TRPM3: variants seen among roughly 807,000 people sequenced by gnomAD.
The protein encoded by TRPM3 is transient receptor potential cation channel subfamily M member 3, also known as long transient receptor potential channel 3.
Under a neutral mutation model 181.2 loss-of-function variants are expected in TRPM3, and 77 were observed. The observed-to-expected ratio is 0.42, with a 90% CI of 0.35 to 0.51. TRPM3 has a LOEUF of 0.51. Among genes scored for constraint, TRPM3 ranks in the 20% least tolerant of loss-of-function variants. The probability of loss-of-function intolerance (pLI) is 0.01; values close to 1 mark genes in which losing one functional copy is unlikely to be tolerated. For missense variants in TRPM3, 1,759 were observed against 2,196.7 expected (o/e 0.80, Z 3.98); for synonymous variants, 745 against 796.4 (o/e 0.94, Z 1.09).
intron 1 of TRPM3, among the ~76,000 whole-genome samples, chr9:71,419,476 C>A (rs1364001048): frequency 6.6e-6 from 1 of 151,870 alleles, no homozygotes; most frequent in Non-Finnish European, 1.5e-5. Context: ...TAATTTGCTC[C>A]TAAAGAAATT....
intron 1 of TRPM3, among the ~76,000 whole-genome samples, chr9:71,420,444 T>G (rs76994233): frequency 0.026 from 3,930 of 151,438 alleles, 97 homozygotes; most frequent in African/African-American, 0.064. Context: ...CACTTTGGCA[T>G]AAGGATTATT....
intron 1 of TRPM3, among the ~76,000 whole-genome samples, chr9:70,881,672 A>T (rs1180410099): frequency 6.6e-6 from 1 of 152,212 alleles, no homozygotes; most frequent in Admixed American, 6.5e-5. Flanking sequence ...AAGACTTAGC[A>T]GAATAATTAC....
intron 22 of TRPM3, among the ~76,000 whole-genome samples, chr9:70,586,091 AC>A (rs1173106183): frequency 3.3e-5 from 5 of 151,978 alleles, no homozygotes; most frequent in African/African-American, 1.2e-4. Flanking sequence ...GCTCAGCTCA[AC>A]CCTCCCTTTC....
intron 1 of TRPM3, among the ~76,000 whole-genome samples, chr9:71,017,691 T>A (rs1162842277): frequency 6.6e-6 from 1 of 151,784 alleles, no homozygotes. Context: ...TCTTAAAATT[T>A]ATAAAGCAAA....
intron 1 of TRPM3, among the ~76,000 whole-genome samples, chr9:71,179,433 T>C (rs2077275807): frequency 6.6e-6 from 1 of 152,178 alleles, no homozygotes; most frequent in South Asian, 2.1e-4. Flanking sequence ...TGTCTCCTTA[T>C]TCTCTCATTC....
At chr9:71,108,808 TATC>T (rs1362743147) in intron 1 of TRPM3, among the ~76,000 whole-genome samples, 1 of 152,196 alleles carries the variant, frequency 6.6e-6, no homozygotes, top group Non-Finnish European at 1.5e-5. Flanking sequence ...TTATTTAAGT[TATC>T]ATGAGTTGAT....
chr9:70,685,291 A>T (rs2066465169), intron 8 of TRPM3, among the ~76,000 whole-genome samples: 1 of 152,166 alleles, frequency 6.6e-6, no homozygotes, highest in South Asian at 2.1e-4. Context: ...ACTGTTTTAA[A>T]ATCTCTTTTA....
intron 12 of TRPM3, among the ~76,000 whole-genome samples, chr9:70,633,029 A>G (rs1324878375): frequency 6.6e-6 from 1 of 152,198 alleles, no homozygotes; most frequent in Non-Finnish European, 1.5e-5. Context: ...CCCTTTGAAA[A>G]TTAGACAAGA....
At chr9:70,982,983 G>A (rs1448213550) in intron 1 of TRPM3, among the ~76,000 whole-genome samples, 1 of 152,106 alleles carries the variant, frequency 6.6e-6, no homozygotes, top group Non-Finnish European at 1.5e-5. Flanking sequence ...ATAGGGGTGA[G>A]CCACCACACC....
intron 1 of TRPM3, among the ~76,000 whole-genome samples, chr9:71,424,614 A>C (rs2093831363): frequency 6.6e-6 from 1 of 152,008 alleles, no homozygotes; most frequent in Non-Finnish European, 1.5e-5. Context: ...TTTGTGTATA[A>C]TTTTATTTTA....
At chr9:70,873,916 A>T (rs2095831675) in intron 1 of TRPM3, among the ~76,000 whole-genome samples, 1 of 151,926 alleles carries the variant, frequency 6.6e-6, no homozygotes, top group Non-Finnish European at 1.5e-5. Flanking sequence ...TTTGGGGGGT[A>T]TCAATTTCTC....
chr9:70,541,169 G>C (rs1315843849), intron 25 of TRPM3, among the ~76,000 whole-genome samples: 1 of 152,144 alleles, frequency 6.6e-6, no homozygotes, highest in African/African-American at 2.4e-5. Context: ...AAGGTACATG[G>C]TGAGAGCCCC....
At chr9:71,049,841 G>T (rs1039203548) in intron 1 of TRPM3, among the ~76,000 whole-genome samples, 1 of 152,166 alleles carries the variant, frequency 6.6e-6, no homozygotes. Flanking sequence ...GTTTGGGAAA[G>T]TTCCCTTACT....
At chr9:70,842,373 C>T (rs897032595) in intron 5 of TRPM3, among the ~76,000 whole-genome samples, 1 of 151,490 alleles carries the variant, frequency 6.6e-6, no homozygotes, top group Admixed American at 6.6e-5. Context: ...TTTTTTAATT[C>T]AAAGTATTTT....
At chr9:70,804,593 C>G (rs1297303885) in intron 6 of TRPM3, among the ~76,000 whole-genome samples, 3 of 152,146 alleles carry the variant, frequency 2.0e-5, no homozygotes, top group Admixed American at 6.6e-5. Context: ...TGTTACCTCA[C>G]TAGCTGCTCC....
At chr9:70,786,823 A>C (rs2083753596) in intron 6 of TRPM3, among the ~76,000 whole-genome samples, 1 of 151,824 alleles carries the variant, frequency 6.6e-6, no homozygotes, top group Non-Finnish European at 1.5e-5. Flanking sequence ...ATATATTTAG[A>C]CCCCTTCTAG....
At chr9:70,777,726 A>G (rs1588188572) in intron 7 of TRPM3, among the ~76,000 whole-genome samples, 1 of 152,160 alleles carries the variant, frequency 6.6e-6, no homozygotes, top group East Asian at 1.9e-4. Flanking sequence ...AGTTCAAATA[A>G]GATTATGTGT....
At chr9:70,952,675 A>T (rs1383904141) in intron 1 of TRPM3, among the ~76,000 whole-genome samples, 1 of 152,172 alleles carries the variant, frequency 6.6e-6, no homozygotes, top group Non-Finnish European at 1.5e-5. Flanking sequence ...AGTTTGACAG[A>T]CGGATTAACA....
At chr9:70,643,540 A>G (rs550402239) in intron 9 of TRPM3, among the ~76,000 whole-genome samples, 1 of 152,330 alleles carries the variant, frequency 6.6e-6, no homozygotes, top group African/African-American at 2.4e-5. Flanking sequence ...ATCACTCAAG[A>G]ATGGCCGTGG....
Sources: gnomAD v4.1 joint callset for allele counts (sites outside exome capture counted in the v4.1 genomes callset) on GRCh38, gnomAD v4.1.1 for gene constraint, MANE v1.5 for transcripts, NCBI Gene and HGNC (gene_info 2026-07-23, HGNC 2026-07-21) for gene names.